Variants in TRIM44 observed in about 807,000 individuals in gnomAD.
The protein encoded by TRIM44 is tripartite motif-containing protein 44.
In TRIM44, 13 loss-of-function variants were observed where a neutral mutation model predicts 37.4. The observed-to-expected ratio is 0.35, with a 90% confidence interval of 0.23 to 0.55. The LOEUF (loss-of-function observed/expected upper bound fraction) is 0.55. Among genes scored for constraint, TRIM44 ranks in the 20% least tolerant of loss-of-function variants. The probability of loss-of-function intolerance (pLI) is 0.89; values close to 1 mark genes in which losing one functional copy is unlikely to be tolerated. For missense variants in TRIM44, 426 were observed against 437.2 expected (o/e 0.97, Z 0.23); for synonymous variants, 175 against 157.2 (o/e 1.11, Z -0.85).
Position 35,809,178 on chromosome 11 carries a change from A to G in TRIM44, c.*2793A>G. On this transcript the variant is annotated 3_prime_UTR_variant, in exon 5 of 5. Transcript: ENST00000299413. ...CCAAGAAGGGAAATAACTTGTATTA[A>G]GGAACAACTATGAGCCAGGCCCTGA... 1 of 152,348 alleles carries G rather than the reference A, an allele frequency of 6.6e-6. No individual in the cohort carries two copies. Among genetic ancestry groups the G allele is most frequent in the Non-Finnish European group, 1.5e-5 (1 of 68,038 alleles). 9.4% of individuals were successfully genotyped at this position (152,348 alleles called of 1,614,324 possible). A position where few individuals can be genotyped will look rare whatever the true frequency, so the allele number is the denominator to read the frequency against.
At chr11:35,737,376 A>T (rs751068157) in intron 4 of TRIM44, among the ~76,000 whole-genome samples, 1 of 152,122 alleles carries the variant, frequency 6.6e-6, no homozygotes, top group African/African-American at 2.4e-5. Flanking sequence ...AATGAATTGG[A>T]GGTGGATCGA....
At chr11:35,756,615 C>A (rs1852645641) in intron 4 of TRIM44, among the ~76,000 whole-genome samples, 2 of 152,068 alleles carry the variant, frequency 1.3e-5, no homozygotes, top group African/African-American at 2.4e-5. Flanking sequence ...CAGTTTTTGC[C>A]CATTCAGTAT....
chr11:35,805,248 G>A (rs976504626), intron 4 of TRIM44, among the ~76,000 whole-genome samples: 4 of 152,096 alleles, frequency 2.6e-5, no homozygotes, highest in Non-Finnish European at 4.4e-5. Flanking sequence ...TCAGTGCCCC[G>A]GTCCACAGTA....
rs748831882 is a variant in TRIM44 at position 35,663,656 on chromosome 11, A to G, written c.545A>G (p.His182Arg). The G allele has an allele frequency of 1.9e-6, 3 of 1,614,046 alleles. No homozygotes were observed. Among genetic ancestry groups the G allele is most frequent in the South Asian group, 2.2e-5 (2 of 91,082 alleles). ...ERVAKRKCPD[H>R]GLDLSTYCQE... ...GTGGCCAAGAGGAAGTGTCCGGACC[A>G]TGGGCTTGATTTGAGTACCTATTGC... is the stretch of plus-strand genomic sequence containing the variant. Residue 182 changes from histidine to arginine, a missense_variant, in exon 1 of 5, where the codon CAT becomes CGT. Physicochemically the swap from His to Arg is conservative, Grantham distance 29 (BLOSUM62 0). Transcript: ENST00000299413.
At chr11:35,704,139 C>A (rs1004377924) in intron 2 of TRIM44, among the ~76,000 whole-genome samples, 4 of 151,956 alleles carry the variant, frequency 2.6e-5, no homozygotes, top group Non-Finnish European at 4.4e-5. Flanking sequence ...CCGATGCGAT[C>A]AACTGAAAGA....
intron 4 of TRIM44, among the ~76,000 whole-genome samples, chr11:35,804,221 G>T (rs1191267440): frequency 1.3e-5 from 2 of 152,126 alleles, no homozygotes; most frequent in Non-Finnish European, 2.9e-5. Context: ...TCAGGCCCAA[G>T]AACACGTCTC....
In TRIM44 at chr11:35,722,293, C is replaced by T. The variant is rs1220801241; in HGVS notation, c.748-3631C>T. ...ATTTTTGGAGTAGTCTCCTTAACACCTTGCAGGAAATTTGGCTTGTAGGAC... is the reference window on the plus strand; with the variant it reads ...ATTTTTGGAGTAGTCTCCTTAACACTTTGCAGGAAATTTGGCTTGTAGGAC... On this transcript the variant is annotated intron_variant, in intron 2 of 4. Transcript: ENST00000299413. 2.6e-5 allele frequency among the ~76,000 whole-genome samples: 4 copies of T among 152,186 alleles called. No individual in the cohort carries two copies. The East Asian group carries it at 5.8e-4, about 22-fold the overall frequency.
intron 2 of TRIM44, among the ~76,000 whole-genome samples, chr11:35,692,368 GTTCT>G: frequency 6.6e-6 from 1 of 152,218 alleles, no homozygotes; most frequent in Middle Eastern, 3.4e-3. Flanking sequence ...TAATATTATG[GTTCT>G]TTGTCTTTTG....
rs548311716 is a variant in TRIM44 at position 35,807,407 on chromosome 11, T to C, written c.*1022T>C. On this transcript the variant is annotated 3_prime_UTR_variant, in exon 5 of 5. Transcript: ENST00000299413. ...CCTTTAACTCCGACCAGAACCCTTC[T>C]TCCTGTGGCACTCCCCACCCATAGA... 2 of 152,316 alleles carry C rather than the reference T, an allele frequency of 1.3e-5. No individual in the cohort carries two copies. Among genetic ancestry groups the C allele is most frequent in the Non-Finnish European group, 2.9e-5 (2 of 68,038 alleles). 9.4% of individuals were successfully genotyped at this position (152,316 alleles called of 1,614,324 possible).
Position 35,816,373 on chromosome 11 carries a change from T to G in TRIM44, c.*9988T>G, listed in dbSNP as rs1174141861. ...ACACAATGTCTAACTTCAAAAAGAG[T>G]ATTTAGATCCCCCCTGGGAAGGAAC... is the stretch of plus-strand genomic sequence containing the variant. On this transcript the variant is annotated 3_prime_UTR_variant, in exon 5 of 5. Coordinates refer to ENST00000299413, the MANE Select transcript of TRIM44 (RefSeq NM_017583.6). 1 of 151,918 alleles carries G rather than the reference T, an allele frequency of 6.6e-6. No individual in the cohort carries two copies. The allele number at this position is 151,918 out of a possible 1,614,324, so 9.4% of individuals were successfully genotyped here.
At chr11:35,740,672 C>G (rs1852386127) in intron 4 of TRIM44, among the ~76,000 whole-genome samples, 1 of 152,140 alleles carries the variant, frequency 6.6e-6, no homozygotes, top group South Asian at 2.1e-4. Flanking sequence ...ATTTTTGATT[C>G]TGTCTGTGAC....
chr11:35,715,822 G>C (rs1424961750), intron 2 of TRIM44, among the ~76,000 whole-genome samples: 1 of 152,114 alleles, frequency 6.6e-6, no homozygotes, highest in East Asian at 1.9e-4. Context: ...GAGGAAGCAG[G>C]CATGTCATAC....
At position 35,810,466 on chromosome 11, in the gene TRIM44, T is replaced by C. The variant is rs1050635458; in HGVS notation, c.*4081T>C. 2.0e-5 allele frequency: 3 copies of C among 152,182 alleles called. No individual in the cohort carries two copies. Among genetic ancestry groups the C allele is most frequent in the African/African-American group, 4.8e-5 (2 of 41,436 alleles). The allele number at this position is 152,182 out of a possible 1,614,324, so 9.4% of individuals were successfully genotyped here. A position where few individuals can be genotyped will look rare whatever the true frequency, so the allele number is the denominator to read the frequency against. Reference sequence around the variant, plus strand: ...ATGGGAGACTTCAGTCTCATTATTATTGCCTTTATCCAGCAGTGCTTATGA... The same window carrying C: ...ATGGGAGACTTCAGTCTCATTATTACTGCCTTTATCCAGCAGTGCTTATGA... On this transcript the variant is annotated 3_prime_UTR_variant, in exon 5 of 5. Transcript: ENST00000299413.
intron 4 of TRIM44, among the ~76,000 whole-genome samples, chr11:35,774,154 A>G (rs556712950): frequency 7.2e-5 from 11 of 152,218 alleles, no homozygotes; most frequent in East Asian, 3.9e-4. Flanking sequence ...ACTTTTTAAT[A>G]ATTGCCATTC....
At position 35,808,219 on chromosome 11, in the gene TRIM44, A is replaced by AAAAAAG. The variant is rs1853480263; in HGVS notation, c.*1839_*1840insGAAAAA. 1.3e-5 allele frequency: 2 copies of AAAAAAG among 151,330 alleles called. No individual in the cohort carries two copies. The highest frequency in any genetic ancestry group is 4.2e-4 in the South Asian group (2 of 4,764). 9.4% of individuals were successfully genotyped at this position (151,330 alleles called of 1,614,324 possible). The stretch of plus-strand genomic sequence containing the variant: ...GAGTTTGAGGTGTTAAAAAAAAAAA[A>AAAAAAG]AAAAAAGCATTTTTCTCTCAAACTG... On this transcript the variant is annotated 3_prime_UTR_variant, in exon 5 of 5. Transcript: ENST00000299413.
chr11:35,757,356 T>A (rs1423313895), intron 4 of TRIM44, among the ~76,000 whole-genome samples: 1 of 152,238 alleles, frequency 6.6e-6, no homozygotes, highest in East Asian at 1.9e-4. Flanking sequence ...ATATCCCCTT[T>A]ATCATTTTTT....
At chr11:35,778,688 G>C (rs577035141) in intron 4 of TRIM44, among the ~76,000 whole-genome samples, 1 of 152,282 alleles carries the variant, frequency 6.6e-6, no homozygotes, top group South Asian at 2.1e-4. Context: ...TAACAGTCAG[G>C]ACCCTCAGCT....
intron 4 of TRIM44, among the ~76,000 whole-genome samples, chr11:35,765,116 T>G (rs983832368): frequency 2.0e-5 from 3 of 152,174 alleles, no homozygotes; most frequent in African/African-American, 7.2e-5. Context: ...TGTGCATAGT[T>G]GCAATCCCAG....
At position 35,663,493 on chromosome 11, in the gene TRIM44, G is replaced by C; in HGVS notation, c.382G>C (p.Asp128His). The C allele has an allele frequency of 6.3e-7, 1 of 1,576,760 alleles. No individual in the cohort carries two copies. Among genetic ancestry groups the C allele is most frequent in the Non-Finnish European group, 8.6e-7 (1 of 1,160,600 alleles). Residue 128 changes from aspartate (D) to histidine (H), a missense_variant, in exon 1 of 5, where the codon GAC becomes CAC. Asp to His is a moderately conservative substitution (Grantham distance 81). Coordinates refer to ENST00000299413, the MANE Select transcript of TRIM44 (RefSeq NM_017583.6). ...TGAGAGCGATGAGGAGAGTGAAGAA[G>C]ACAGCGAGGAAGAAATGGAGGATGA... ...EDESDEESEEDSEEEMEDEQE... is the reference protein window; with the variant it reads ...EDESDEESEEHSEEEMEDEQE...
Sources: gnomAD v4.1 joint callset for allele counts (sites outside exome capture counted in the v4.1 genomes callset) on GRCh38, gnomAD v4.1.1 for gene constraint, MANE v1.5 for transcripts, NCBI Gene and HGNC (gene_info 2026-07-23, HGNC 2026-07-21) for gene names.